The following MAST4 variants were observed in gnomAD, a reference collection of about 807,000 sequenced individuals.
The protein encoded by MAST4 is microtubule associated serine/threonine kinase family member 4.
MAST4 carries 89 observed loss-of-function variants against 162.7 expected under a neutral mutation model. The observed-to-expected ratio is 0.55, with a 90% CI of 0.46 to 0.65. MAST4 has a LOEUF of 0.65. Ranked by LOEUF, MAST4 falls within the 30% of genes least tolerant of loss-of-function variation. The pLI, the probability that MAST4 is intolerant of heterozygous loss-of-function variation, is 0.00. For missense variants in MAST4, 3,153 were observed against 3,374.0 expected (o/e 0.93, Z 1.62); for synonymous variants, 1,479 against 1,361.1 (o/e 1.09, Z -1.91).
chr5:67,153,191 C>T (rs926348923), intron 25 of MAST4, among the ~76,000 whole-genome samples: 1 of 152,160 alleles, frequency 6.6e-6, no homozygotes, highest in Admixed American at 6.5e-5. Flanking sequence ...ATGACCTTCT[C>T]AAATCACCTG....
intron 1 of MAST4, among the ~76,000 whole-genome samples, chr5:66,680,389 C>T (rs1243201319): frequency 6.6e-6 from 1 of 152,140 alleles, no homozygotes; most frequent in East Asian, 1.9e-4. Flanking sequence ...TTCCTGACTC[C>T]CTTTGTCCTC....
intron 23 of MAST4, 124 bp from the exon 24 acceptor site, chr5:67,149,265 C>A: frequency 2.5e-6 from 2 of 793,408 alleles, no homozygotes; most frequent in Non-Finnish European, 4.1e-6. Flanking sequence ...ACCGTCTGGA[C>A]TTACTGGCCA....
chr5:66,851,026 G>A lies in MAST4; in HGVS notation c.643-48925G>A, dbSNP rs557853728. 5.3e-5 allele frequency among the ~76,000 whole-genome samples: 8 copies of A among 150,760 alleles called. No homozygotes were observed. The East Asian group carries it at 1.6e-3, about 30-fold the overall frequency. On this transcript the variant is annotated intron_variant, in intron 3 of 28. Coordinates refer to ENST00000403625, the MANE Select transcript of MAST4 (RefSeq NM_001164664.2). ...TTCTCCTGCAAGTAGAGGCTGCTTA[G>A]GCAGTATTTACACTCGGTGCATGCC...
chr5:66,907,007 T>C (rs1763395399), intron 4 of MAST4, among the ~76,000 whole-genome samples: 1 of 152,112 alleles, frequency 6.6e-6, no homozygotes, highest in Non-Finnish European at 1.5e-5. Context: ...GTTTGTCTTA[T>C]AGTAGATGTA....
Position 66,899,975 on chromosome 5 carries a change from G to A in MAST4, c.667G>A (p.Gly223Arg). The change falls in exon 4 of 29, where the codon GGA (glycine) becomes AGA (arginine). Residue 223 changes from glycine to arginine, a missense_variant. Coordinates refer to ENST00000403625, the MANE Select transcript of MAST4 (RefSeq NM_001164664.2). Reference protein sequence around the residue: ...SLKELSLPRRGSFCRTSNRKS... With the variant: ...SLKELSLPRRRSFCRTSNRKS... The stretch of plus-strand genomic sequence containing the variant: ...GAAGGAGCTGAGTCTCCCCAGAAGA[G>A]GAAGTTTGTAAGTAGTAGTATTTTG... 1 of 1,516,040 alleles carries A rather than the reference G, an allele frequency of 6.6e-7. No individual in the cohort carries two copies. Among genetic ancestry groups the A allele is most frequent in the Non-Finnish European group, 8.8e-7 (1 of 1,133,124 alleles). The allele number at this position is 1,516,040 out of a possible 1,614,324, so 93.9% of individuals were successfully genotyped here.
intron 4 of MAST4, among the ~76,000 whole-genome samples, chr5:67,032,155 T>C (rs1335519119): frequency 6.6e-6 from 1 of 152,144 alleles, no homozygotes; most frequent in East Asian, 1.9e-4. Flanking sequence ...CTGTAATCCA[T>C]TTTAGATTAA....
At chr5:66,832,422 C>A (rs1757670962) in intron 3 of MAST4, among the ~76,000 whole-genome samples, 1 of 151,898 alleles carries the variant, frequency 6.6e-6, no homozygotes, top group Non-Finnish European at 1.5e-5. Flanking sequence ...GACTGCACAC[C>A]CCCCACCCCT....
chr5:66,856,780 G>A (rs539369092), intron 3 of MAST4, among the ~76,000 whole-genome samples: 105 of 152,184 alleles, frequency 6.9e-4, no homozygotes, highest in Non-Finnish European at 1.3e-3. Flanking sequence ...TATTAAATTA[G>A]ACTGTCCTCT....
rs36027182 is a variant in MAST4, at chr5:66,843,531, C to A, written c.642+54737C>A. ...ACTGCCTAATGCCTATTGGTGCTAGCACTAACATTTTCTGATACAGTCTTC... is the reference window on the plus strand; with the variant it reads ...ACTGCCTAATGCCTATTGGTGCTAGAACTAACATTTTCTGATACAGTCTTC... On this transcript the variant is annotated intron_variant, in intron 3 of 28. Coordinates refer to ENST00000403625, the MANE Select transcript of MAST4 (RefSeq NM_001164664.2). Among the ~76,000 whole-genome samples, 1,371 of 152,228 alleles carry A rather than the reference C, an allele frequency of 9.0e-3. 21 individuals carry two copies. The highest frequency in any genetic ancestry group is 0.081 in the South Asian group (392 of 4,816).
intron 3 of MAST4, among the ~76,000 whole-genome samples, chr5:66,849,240 A>G (rs1383383584): frequency 6.6e-6 from 1 of 152,060 alleles, no homozygotes; most frequent in African/African-American, 2.4e-5. Context: ...AGTTTTGTCC[A>G]GTTTGTTCTA....
At chr5:67,151,852 C>T (rs540375876) in intron 24 of MAST4, among the ~76,000 whole-genome samples, 4 of 149,572 alleles carry the variant, frequency 2.7e-5, no homozygotes, top group East Asian at 2.0e-4. Context: ...ACTGCAGCCT[C>T]GACCTCCCAG....
intron 1 of MAST4, among the ~76,000 whole-genome samples, chr5:66,742,253 A>T (rs917478776): frequency 1.3e-5 from 2 of 152,164 alleles, no homozygotes; most frequent in African/African-American, 4.8e-5. Context: ...GTCTGTTTTC[A>T]GAGTTCATAA....
chr5:67,006,898 A>G (rs1581177179), intron 4 of MAST4, among the ~76,000 whole-genome samples: 1 of 152,182 alleles, frequency 6.6e-6, no homozygotes, highest in South Asian at 2.1e-4. Context: ...CGTATCTTCA[A>G]TTTGGCAAAA....
At chr5:67,001,075 T>G (rs1169643558) in intron 4 of MAST4, among the ~76,000 whole-genome samples, 1 of 152,242 alleles carries the variant, frequency 6.6e-6, no homozygotes, top group African/African-American at 2.4e-5. Context: ...TATATTGACC[T>G]AGACCAGCTA....
intron 1 of MAST4, among the ~76,000 whole-genome samples, chr5:66,673,695 C>T (rs1256054042): frequency 6.6e-6 from 1 of 152,064 alleles, no homozygotes; most frequent in Non-Finnish European, 1.5e-5. Context: ...GAGGTTTCAC[C>T]GTGTTGGCCA....
rs917016582 is a variant in MAST4 at position 67,110,789 on chromosome 5, C to T, written c.1458+590C>T. Among the ~76,000 whole-genome samples the T allele has an allele frequency of 4.6e-5, 7 of 152,150 alleles. No individual in the cohort carries two copies. The East Asian group carries it at 9.7e-4, about 21-fold the overall frequency. ...CTGTAACCCCAGCACTTTGGGAGGC[C>T]GAGACAGGCAGATCACCTGAGGTCA... On this transcript the variant is annotated intron_variant, in intron 11 of 28. Transcript: ENST00000403625.
chr5:66,695,894 C>T (rs976307112), intron 1 of MAST4, among the ~76,000 whole-genome samples: 1 of 152,142 alleles, frequency 6.6e-6, no homozygotes, highest in African/African-American at 2.4e-5. Flanking sequence ...TATAAAGATA[C>T]ATGCACACGT....
At chr5:67,033,456 G>A (rs536741767) in intron 4 of MAST4, among the ~76,000 whole-genome samples, 4 of 150,098 alleles carry the variant, frequency 2.7e-5, no homozygotes, top group Admixed American at 2.7e-4. Context: ...TTGCAACATA[G>A]GCATAGGCAG....
At position 66,753,108 on chromosome 5, in the gene MAST4, A is replaced by G. The variant is rs1384411402; in HGVS notation, c.364-6601A>G. On this transcript the variant is annotated intron_variant, in intron 1 of 28. Coordinates refer to ENST00000403625, the MANE Select transcript of MAST4 (RefSeq NM_001164664.2). ...AAGATGTTCTTTGAAACCAACGAGA[A>G]CAAAGACACAACATACCAGAATCTC... Among the ~76,000 whole-genome samples, 4 of 152,140 alleles carry G rather than the reference A, an allele frequency of 2.6e-5. No homozygotes were observed. In the East Asian group the frequency reaches 7.7e-4, roughly 29 times the overall value.
Sources: allele counts gnomAD v4.1 joint callset (sites outside exome capture counted in the v4.1 genomes callset), GRCh38; gene constraint gnomAD v4.1.1; transcripts MANE v1.5; gene names NCBI Gene and HGNC (gene_info 2026-07-23, HGNC 2026-07-21).